The following MAP3K10 variants were observed in gnomAD, a reference collection of about 807,000 sequenced individuals.
MAP3K10 encodes MKN28 derived nonreceptor_type serine/threonine kinase.
MAP3K10 carries 22 observed loss-of-function variants against 75.0 expected under a neutral mutation model. The ratio of observed to expected loss-of-function variants is 0.29; its 90% CI spans 0.21 to 0.42. MAP3K10 has a LOEUF of 0.42. MAP3K10 is among the 10% of genes least tolerant of loss of function. The pLI is 1.00. For missense variants in MAP3K10, 1,165 were observed against 1,379.8 expected, an observed-to-expected ratio of 0.84 and a Z score of 2.47; for synonymous variants, 599 against 612.9, an observed-to-expected ratio of 0.98 and a Z score of 0.34.
chr19:40,199,761 C>T (rs914947625), intron 2 of MAP3K10, among the ~76,000 whole-genome samples: 1 of 152,210 alleles, frequency 6.6e-6, no homozygotes, highest in African/African-American at 2.4e-5. Context: ...GTGGGAGGAT[C>T]ACTTGAGGCC....
chr19:40,208,703 T>C (rs1033744494), intron 5 of MAP3K10, among the ~76,000 whole-genome samples: 2 of 150,314 alleles, frequency 1.3e-5, no homozygotes, highest in Non-Finnish European at 3.0e-5. Flanking sequence ...GTTTAAAAAT[T>C]AGATAAATAA....
chr19:40,214,581 G>A (rs1224784077), intron 9 of MAP3K10, among the ~76,000 whole-genome samples: 3 of 152,190 alleles, frequency 2.0e-5, no homozygotes, highest in Non-Finnish European at 4.4e-5. Flanking sequence ...TGTGCTGCTT[G>A]TTTTAAGTTA....
At chr19:40,195,709 G>GGTCTTGAACTCCTGACCTCAGGT (rs1972893411) in intron 1 of MAP3K10, among the ~76,000 whole-genome samples, 1 of 151,974 alleles carries the variant, frequency 6.6e-6, no homozygotes, top group African/African-American at 2.4e-5. Context: ...TGGCCAGGCT[G>GGTCTTGAACTCCTGACCTCAGGT]GTCTTGAACT....
intron 2 of MAP3K10, among the ~76,000 whole-genome samples, chr19:40,203,633 G>A (rs530147104): frequency 1.6e-4 from 25 of 152,364 alleles, no homozygotes; most frequent in African/African-American, 5.8e-4. Context: ...CTGCTCATCA[G>A]CTAAAGCAGG....
rs747118842 is a variant in MAP3K10, at chr19:40,192,288, G to A, written c.257G>A (p.Gly86Asp). The A allele has an allele frequency of 1.3e-6, 2 of 1,594,334 alleles. No homozygotes were observed. Among genetic ancestry groups the A allele is most frequent in the Admixed American group, 3.5e-5 (2 of 57,078 alleles). ...CCCGGCGCCCCCGCTGCACCCGCGG[G>A]CCTCCAGCTGCCCCAGGAGATCCCC... ...VAPGAPAAPA[G>D]LQLPQEIPFH... is the part of the protein sequence containing the mutation. Residue 86 changes from glycine to aspartate, a missense_variant, in exon 1 of 10, where the codon GGC becomes GAC. This residue lies in a region of MAP3K10 where 575 missense variants were observed against 793.2 expected (regional missense o/e 0.72). Transcript: ENST00000253055. This position sits in a 1 kb window ranked among gnomAD's most constrained non-coding sequence, Gnocchi z 7.1.
rs1250794416 is a variant in MAP3K10 at position 40,198,740 on chromosome 19, G to A, written c.863+185G>A. On this transcript the variant is annotated intron_variant, in intron 2 of 9. Transcript: ENST00000253055. This position sits in a 1 kb window ranked among gnomAD's most constrained non-coding sequence, Gnocchi z 4.3. ...TTCAGCTAGCACAAATGGCAACTAG[G>A]GGGCACACTGGATTAGAATAAAAAG... 1.3e-5 allele frequency among the ~76,000 whole-genome samples: 2 copies of A among 152,200 alleles called. No homozygotes were observed. The highest frequency in any genetic ancestry group is 6.5e-5 in the Admixed American group (1 of 15,274).
At position 40,213,617 on chromosome 19, in the gene MAP3K10, G is replaced by A. The variant is rs372801404; in HGVS notation, c.1938G>A (p.Pro646=). 4.8e-5 allele frequency: 74 copies of A among 1,555,598 alleles called. 1 individual carries two copies. In the African/African-American group the frequency reaches 1.0e-3, roughly 21 times the overall value. ...LSVPLPAEPS[P]GARAPWEPTP... Reference sequence around the variant, plus strand: ...TGCCACTGCCTGCCGAGCCCTCCCCGGGGGCGCGGGCGCCGTGGGAGCCGA... The same window carrying A: ...TGCCACTGCCTGCCGAGCCCTCCCCAGGGGCGCGGGCGCCGTGGGAGCCGA... Residue 646 remains proline (P), a synonymous_variant, in exon 9 of 10, where the codon CCG becomes CCA. Transcript: ENST00000253055. This position sits in a 1 kb window ranked among gnomAD's most constrained non-coding sequence, Gnocchi z 5.7.
In MAP3K10 at chr19:40,213,318, G is replaced by A; in HGVS notation, c.1837+130G>A. Reference sequence around the variant, plus strand: ...AGGCCTTCCTGGGAAGGGAGATGGTGGCCCCTGGGGCGTGGGGGGTCATTT... The same window carrying A: ...AGGCCTTCCTGGGAAGGGAGATGGTAGCCCCTGGGGCGTGGGGGGTCATTT... On this transcript the variant is annotated intron_variant, in intron 8 of 9. Coordinates refer to ENST00000253055, the MANE Select transcript of MAP3K10 (RefSeq NM_002446.4). The surrounding 1 kb of genome is among the most constrained non-coding windows in gnomAD (Gnocchi z 5.7). 1 of 1,447,854 alleles carries A rather than the reference G, an allele frequency of 6.9e-7. No homozygotes were observed. Among genetic ancestry groups the A allele is most frequent in the Non-Finnish European group, 9.0e-7 (1 of 1,104,998 alleles). 89.7% of individuals were successfully genotyped at this position (1,447,854 alleles called of 1,614,324 possible).
rs1599907589 is a variant in MAP3K10, at chr19:40,204,781, C to G, written c.1012+148C>G. 1.0e-6 allele frequency: 1 copy of G among 997,562 alleles called. No homozygotes were observed. Among genetic ancestry groups the G allele is most frequent in the East Asian group, 2.6e-5 (1 of 37,900 alleles). 61.8% of individuals were successfully genotyped at this position (997,562 alleles called of 1,614,324 possible). On this transcript the variant is annotated intron_variant, in intron 3 of 9. Transcript: ENST00000253055. This position sits in a 1 kb window ranked among gnomAD's most constrained non-coding sequence, Gnocchi z 4.3. ...GAACCCACTGGACTCTAAACAGCCTCCCCATGGTTGGCTCCATCCCCCACA... is the reference window on the plus strand; with the variant it reads ...GAACCCACTGGACTCTAAACAGCCTGCCCATGGTTGGCTCCATCCCCCACA...
chr19:40,213,711 T>A lies in MAP3K10; in HGVS notation c.2032T>A (p.Cys678Ser). 1 of 1,075,174 alleles carries A rather than the reference T, an allele frequency of 9.3e-7. No homozygotes were observed. Among genetic ancestry groups the A allele is most frequent in the Non-Finnish European group, 1.1e-6 (1 of 886,966 alleles). The allele number at this position is 1,075,174 out of a possible 1,614,324, so 66.6% of individuals were successfully genotyped here. Residue 678 changes from cysteine to serine, a missense_variant, in exon 9 of 10, where the codon TGC (cysteine) becomes AGC (serine). By Grantham distance (112) the Cys-to-Ser change is moderately radical. Around this residue, in one of 2 missense-constraint regions of MAP3K10, gnomAD observed 590 missense variants for 586.6 expected, o/e 1.01. Coordinates refer to ENST00000253055, the MANE Select transcript of MAP3K10 (RefSeq NM_002446.4). This position sits in a 1 kb window ranked among gnomAD's most constrained non-coding sequence, Gnocchi z 5.7. ...RRRCDLALLG[C>S]ATLLGAVGLG... ...GCGCTGCGACCTGGCGCTGCTAGGC[T>A]GCGCCACGCTGCTGGGGGCTGTGGG...
chr19:40,204,880 C>T lies in MAP3K10; in HGVS notation c.1013-241C>T. On this transcript the variant is annotated intron_variant, in intron 3 of 9. Coordinates refer to ENST00000253055, the MANE Select transcript of MAP3K10 (RefSeq NM_002446.4). This position sits in a 1 kb window ranked among gnomAD's most constrained non-coding sequence, Gnocchi z 4.3. Reference sequence around the variant, plus strand: ...AGGATTCCTTGGCCCTGGGATTCCACCTTGATCCTGATTCCACTACCAGCC... The same window carrying T: ...AGGATTCCTTGGCCCTGGGATTCCATCTTGATCCTGATTCCACTACCAGCC... The T allele has an allele frequency of 1.6e-6, 1 of 624,280 alleles. No individual in the cohort carries two copies. Among genetic ancestry groups the T allele is most frequent in the Non-Finnish European group, 2.8e-6 (1 of 360,812 alleles). The allele number at this position is 624,280 out of a possible 1,614,324, so 38.7% of individuals were successfully genotyped here. A position where few individuals can be genotyped will look rare whatever the true frequency, so the allele number is the denominator to read the frequency against.
intron 1 of MAP3K10, among the ~76,000 whole-genome samples, chr19:40,197,488 G>T (rs1972928226): frequency 6.6e-6 from 1 of 152,054 alleles, no homozygotes; most frequent in Non-Finnish European, 1.5e-5. Flanking sequence ...ATGATGCTCG[G>T]CTAATTTTTG....
chr19:40,211,651 T>C (rs1313817595), intron 6 of MAP3K10, among the ~76,000 whole-genome samples: 1 of 151,984 alleles, frequency 6.6e-6, no homozygotes, highest in African/African-American at 2.4e-5. Context: ...TCCTGCATTA[T>C]TTTGCTGAGG....
intron 5 of MAP3K10, 107 bp downstream of exon 5, chr19:40,206,264 A>C: frequency 7.4e-7 from 1 of 1,342,754 alleles, no homozygotes; most frequent in Non-Finnish European, 1.0e-6. Context: ...ATTGCTAAAT[A>C]TATCGCACAT....
chr19:40,209,995 C>T (rs1294927028), intron 6 of MAP3K10, among the ~76,000 whole-genome samples: 4 of 151,988 alleles, frequency 2.6e-5, no homozygotes, highest in Admixed American at 6.6e-5. Flanking sequence ...AGGCCAGGCG[C>T]GGTGGCTCAC....
At position 40,198,463 on chromosome 19, in the gene MAP3K10, G is replaced by A; in HGVS notation, c.771G>A (p.Lys257=). Residue 257 remains lysine (K), a synonymous_variant, in exon 2 of 10, where the codon AAG becomes AAA. Transcript: ENST00000253055. This position sits in a 1 kb window ranked among gnomAD's most constrained non-coding sequence, Gnocchi z 4.3. ...TDFGLAREWH[K]TTKMSAAGTY... is the part of the protein sequence containing the mutation. ...TCGGCCTCGCCCGCGAGTGGCACAA[G>A]ACCACCAAGATGAGCGCTGCGGGGA... is the stretch of plus-strand genomic sequence containing the variant. 6.2e-7 allele frequency: 1 copy of A among 1,614,206 alleles called. No individual in the cohort carries two copies. Among genetic ancestry groups the A allele is most frequent in the Non-Finnish European group, 8.5e-7 (1 of 1,180,032 alleles).
At chr19:40,200,109 G>A (rs1445490660) in intron 2 of MAP3K10, among the ~76,000 whole-genome samples, 1 of 152,196 alleles carries the variant, frequency 6.6e-6, no homozygotes, top group East Asian at 1.9e-4. Context: ...GACTAGCCTG[G>A]CCAACATGGT....
At chr19:40,214,322 T>C in intron 9 of MAP3K10, 101 bp downstream of exon 9, 1 of 1,275,548 alleles carries the variant, frequency 7.8e-7, no homozygotes, top group Non-Finnish European at 1.0e-6. Context: ...GGCAGCCACC[T>C]CCTGCTTCTT....
Position 40,200,823 on chromosome 19 carries a change from T to G in MAP3K10, c.863+2268T>G, listed in dbSNP as rs1973004498. Among the ~76,000 whole-genome samples, 4 of 152,050 alleles carry G rather than the reference T, an allele frequency of 2.6e-5. No homozygotes were observed. The South Asian group carries it at 8.3e-4, about 32-fold the overall frequency. On this transcript the variant is annotated intron_variant, in intron 2 of 9. Transcript: ENST00000253055. ...CAGGGTTTCACCATGTTGGCTAGGC[T>G]GGTCTTGAAGTCCTGACCTCAGGTG...
Sources: allele counts gnomAD v4.1 joint callset (sites outside exome capture counted in the v4.1 genomes callset), GRCh38; gene constraint gnomAD v4.1.1; regional missense constraint gnomAD v4.1.1; non-coding constraint Gnocchi (gnomAD v3.1); transcripts MANE v1.5; gene names NCBI Gene and HGNC (gene_info 2026-07-23, HGNC 2026-07-21).